Variants in PCDHGA1 observed in about 807,000 individuals in gnomAD.
PCDHGA1 encodes protocadherin gamma-A1.
A neutral mutation model predicts 58.0 loss-of-function variants in PCDHGA1; 32 were observed. The observed-to-expected ratio is 0.55, with a 90% CI of 0.42 to 0.74. The LOEUF (loss-of-function observed/expected upper bound fraction) is 0.74, where lower values mean the gene tolerates loss of function less well. Among genes scored for constraint, PCDHGA1 ranks in the 30% least tolerant of loss-of-function variants. The pLI, the probability that PCDHGA1 is intolerant of heterozygous loss-of-function variation, is 0.00. For synonymous variants in PCDHGA1, 498 were observed against 501.1 expected (o/e 0.99, Z 0.08); for missense variants, 1,205 against 1,182.3 (o/e 1.02, Z -0.28).
In PCDHGA1 at chr5:141,511,035, C is replaced by T. The variant is rs373005862; in HGVS notation, c.2658C>T (p.His886=). Residue 886 remains histidine (H), a synonymous_variant, in exon 4 of 4, where the codon CAC becomes CAT. Transcript: ENST00000517417. ...ACGGACCCCAGTTCACCCTGCAGCA[C>T]GTGCCCGACTACCGCCAGAATGTCT... ...ARYGPQFTLQ[H]VPDYRQNVYI... The T allele has an allele frequency of 1.7e-5, 27 of 1,614,208 alleles. No individual in the cohort carries two copies. The African/African-American group carries it at 2.9e-4, about 18-fold the overall frequency.
In PCDHGA1 at chr5:141,487,128, G is replaced by T. The variant is rs565927415; in HGVS notation, c.2422-7679G>T. On this transcript the variant is annotated intron_variant, in intron 1 of 3. Transcript: ENST00000517417. This position sits in a 1 kb window ranked among gnomAD's most constrained non-coding sequence, Gnocchi z 5.0. ...GTCATTGTGGTAAAGGATAGTGGTA[G>T]TCCACCACTCTCTACCTCTGTTACT... The T allele has an allele frequency of 6.3e-5, 102 of 1,614,086 alleles. No individual in the cohort carries two copies. The South Asian group carries it at 7.7e-4, about 12-fold the overall frequency.
chr5:141,391,648 C>T (rs760508987), intron 1 of PCDHGA1: 4 of 152,210 alleles, frequency 2.6e-5, no homozygotes, highest in Non-Finnish European at 5.9e-5. Context: ...AAAAAACTAT[C>T]ATACCAGTCT....
chr5:141,494,844 C>T lies in PCDHGA1; in HGVS notation c.2459C>T (p.Ala820Val). The change falls in exon 2 of 4, where the codon GCC becomes GTC. Residue 820 changes from alanine to valine, a missense_variant. Ala to Val is a moderately conservative substitution (Grantham distance 64). Coordinates refer to ENST00000517417, the MANE Select transcript of PCDHGA1 (RefSeq NM_018912.3). ...PPNTDWRFSQ[A>V]QRPGTSGSQN... The stretch of plus-strand genomic sequence containing the variant: ...AACACGGACTGGCGTTTCTCTCAGG[C>T]CCAGAGACCCGGCACCAGCGGGTAG... The T allele has an allele frequency of 6.2e-7, 1 of 1,614,190 alleles. No homozygotes were observed. The highest frequency in any genetic ancestry group is 8.5e-7 in the Non-Finnish European group (1 of 1,180,028).
chr5:141,390,041 C>T (rs373243233), intron 1 of PCDHGA1: 2 of 1,614,058 alleles, frequency 1.2e-6, no homozygotes, highest in Non-Finnish European at 1.7e-6. Context: ...CCTCCAGCCC[C>T]GCCTCCTGGA....
chr5:141,394,158 C>G lies in PCDHGA1; in HGVS notation c.2421+61053C>G, dbSNP rs777816337. 1.2e-5 allele frequency: 19 copies of G among 1,613,726 alleles called. No homozygotes were observed. The Admixed American group carries it at 2.0e-4, about 17-fold the overall frequency. On this transcript the variant is annotated intron_variant, in intron 1 of 3. Transcript: ENST00000517417. ...GCACGTGGCAGACATTAACGACAAC[C>G]CTCCTACTTTCCCTCATGCCTCCTA...
chr5:141,352,786 T>C (rs1218044905), intron 1 of PCDHGA1: 1 of 1,064,362 alleles, frequency 9.4e-7, no homozygotes, highest in Non-Finnish European at 1.3e-6. Flanking sequence ...GGTCAGGAGT[T>C]TGAGACCAGC....
chr5:141,421,207 A>G (rs1318794693), intron 1 of PCDHGA1: 3 of 1,533,934 alleles, frequency 2.0e-6, no homozygotes, highest in Non-Finnish European at 2.6e-6. Context: ...GAAACCGCGG[A>G]ATATCGGCTT....
At chr5:141,376,483 G>T (rs139873493) in intron 1 of PCDHGA1, 17,785 of 1,614,172 alleles carry the variant, frequency 0.011, 127 homozygotes, top group Non-Finnish European at 0.012. Context: ...TACTTGAAAC[G>T]AAAGGAGAAC....
chr5:141,344,705 C>A (rs1183947419), intron 1 of PCDHGA1: 16 of 1,613,878 alleles, frequency 9.9e-6, no homozygotes, highest in Non-Finnish European at 1.4e-5. Flanking sequence ...TCCACTCTGG[C>A]AACTTGCACA....
chr5:141,383,736 T>C (rs1388139242), intron 1 of PCDHGA1: 1 of 1,614,002 alleles, frequency 6.2e-7, no homozygotes, highest in Non-Finnish European at 8.5e-7. Context: ...AAGTGACATA[T>C]TCTTTTCGGA....
chr5:141,347,083 C>G (rs1177646276), intron 1 of PCDHGA1, among the ~76,000 whole-genome samples: 1 of 149,142 alleles, frequency 6.7e-6, no homozygotes, highest in African/African-American at 2.5e-5. Flanking sequence ...CTCTCTCTTT[C>G]CTCCTTCCTT....
chr5:141,340,727 T>C, intron 1 of PCDHGA1: 1 of 1,613,998 alleles, frequency 6.2e-7, no homozygotes, highest in Non-Finnish European at 8.5e-7. Flanking sequence ...AGAGCCCGGC[T>C]ACCTGGTGAC....
chr5:141,434,480 C>T (rs777049751), intron 1 of PCDHGA1, among the ~76,000 whole-genome samples: 6 of 152,194 alleles, frequency 3.9e-5, no homozygotes, highest in Non-Finnish European at 5.9e-5. Context: ...GGGCAAGGAA[C>T]ACCTGGCCCG....
chr5:141,346,161 G>A (rs745349592), intron 1 of PCDHGA1: 3 of 1,614,026 alleles, frequency 1.9e-6, no homozygotes, highest in East Asian at 2.2e-5. Flanking sequence ...CTTCGTCATC[G>A]TGCTGCTGGC....
At chr5:141,389,600 C>T (rs748837518) in intron 1 of PCDHGA1, 28 of 1,613,080 alleles carry the variant, frequency 1.7e-5, no homozygotes, top group Non-Finnish European at 2.3e-5. Flanking sequence ...GCTCTGCGCT[C>T]TTCGATATGG....
At chr5:141,418,026 T>A (rs2154547454) in intron 1 of PCDHGA1, 1 of 1,613,962 alleles carries the variant, frequency 6.2e-7, no homozygotes, top group East Asian at 2.2e-5. Context: ...GATCTAGGGC[T>A]TAGTGTCCTG....
Position 141,477,209 on chromosome 5 carries a change from GC to G in PCDHGA1, c.2422-17594del. On this transcript the variant is annotated intron_variant, in intron 1 of 3. Transcript: ENST00000517417. The surrounding 1 kb of genome is among the most constrained non-coding windows in gnomAD (Gnocchi z 4.9). Reference sequence around the variant, plus strand: ...CGTGTACAGCCCAGTACCCGAGGATGCCCCTCTGGGGACTGTCATCGCTTTG... The same window carrying G: ...CGTGTACAGCCCAGTACCCGAGGATGCCCTCTGGGGACTGTCATCGCTTTG... The G allele has an allele frequency of 6.2e-7, 1 of 1,614,194 alleles. No homozygotes were observed. Among genetic ancestry groups the G allele is most frequent in the Non-Finnish European group, 8.5e-7 (1 of 1,180,038 alleles).
At chr5:141,348,355 G>A (rs1758103704) in intron 1 of PCDHGA1, among the ~76,000 whole-genome samples, 1 of 152,156 alleles carries the variant, frequency 6.6e-6, no homozygotes, top group Admixed American at 6.5e-5. Context: ...GGACTTCTGA[G>A]CCTAGGACTT....
At chr5:141,366,724 T>C (rs917379074) in intron 1 of PCDHGA1, 1 of 1,613,556 alleles carries the variant, frequency 6.2e-7, no homozygotes, top group African/African-American at 1.3e-5. Flanking sequence ...ATAAGGTAGA[T>C]GCAAACAAAG....
Sources: allele counts gnomAD v4.1 joint callset (sites outside exome capture counted in the v4.1 genomes callset), GRCh38; gene constraint gnomAD v4.1.1; non-coding constraint Gnocchi (gnomAD v3.1); transcripts MANE v1.5; gene names NCBI Gene and HGNC (gene_info 2026-07-23, HGNC 2026-07-21).